The following TENM2 variants were observed in gnomAD, a reference collection of about 807,000 sequenced individuals.
TENM2 encodes the protein teneurin transmembrane protein 2, also known as teneurin-2.
A neutral mutation model predicts 245.2 loss-of-function variants in TENM2; 52 were observed. The ratio of observed to expected loss-of-function variants is 0.21; its 90% CI spans 0.17 to 0.27. The LOEUF is 0.27. Among genes scored for constraint, TENM2 ranks in the 10% least tolerant of loss-of-function variants. The probability of loss-of-function intolerance (pLI) is 1.00; values close to 1 mark genes in which losing one functional copy is unlikely to be tolerated. For synonymous variants in TENM2, 1,363 were observed against 1,438.9 expected, an observed-to-expected ratio of 0.95 and a Z score of 1.19; for missense variants, 3,046 against 3,666.8, an observed-to-expected ratio of 0.83 and a Z score of 4.37.
At chr5:167,962,010 G>A (rs867660332) in intron 4 of TENM2, among the ~76,000 whole-genome samples, 1 of 152,220 alleles carries the variant, frequency 6.6e-6, no homozygotes, top group Non-Finnish European at 1.5e-5. Context: ...GATGCAATCA[G>A]TTGGTTTTCT....
chr5:167,178,449 A>G, the TENM2 span, among the ~76,000 whole-genome samples: 2 of 152,308 alleles, frequency 1.3e-5, no homozygotes, highest in African/African-American at 4.8e-5. Context: ...CTCTTGGTCC[A>G]TAACTGTGCT....
chr5:168,190,838 A>G (rs1193336327), intron 14 of TENM2: 8 of 261,778 alleles, frequency 3.1e-5, no homozygotes, highest in African/African-American at 1.8e-4. Context: ...TTATTTTATG[A>G]TGTTATTGTC....
intron 2 of TENM2, among the ~76,000 whole-genome samples, chr5:167,467,092 C>T (rs917680774): frequency 6.6e-6 from 1 of 152,062 alleles, no homozygotes; most frequent in Admixed American, 6.6e-5. Flanking sequence ...GTAGTATCCC[C>T]GCTGAAATCT....
intron 2 of TENM2, among the ~76,000 whole-genome samples, chr5:167,727,527 G>A (rs1191039085): frequency 6.6e-6 from 1 of 152,220 alleles, no homozygotes; most frequent in Admixed American, 6.5e-5. Context: ...TTCAGCTGAG[G>A]TAGAGAAATG....
At position 167,997,152 on chromosome 5, in the gene TENM2, C is replaced by T. The variant is rs2546954; in HGVS notation, c.1186+3970C>T. ...TACAATCATTTGACAAGCACTGACA[C>T]CGAGGCCCAGAGAGTCTAAAGTCTC... On this transcript the variant is annotated intron_variant, in intron 5 of 28. Transcript: ENST00000518659. Among the ~76,000 whole-genome samples the T allele has an allele frequency of 5.1e-3, 782 of 152,294 alleles. 6 individuals carry two copies. Among genetic ancestry groups the T allele is most frequent in the African/African-American group, 0.018 (737 of 41,558 alleles).
intron 3 of TENM2, among the ~76,000 whole-genome samples, chr5:167,936,099 T>C (rs888403461): frequency 4.6e-5 from 7 of 152,224 alleles, no homozygotes; most frequent in Non-Finnish European, 8.8e-5. Context: ...GCAATTTCCA[T>C]TGATGAAAAA....
intron 27 of TENM2, among the ~76,000 whole-genome samples, chr5:168,253,720 TG>T (rs1329649887): frequency 2.6e-5 from 4 of 151,998 alleles, no homozygotes; most frequent in Admixed American, 2.6e-4. Flanking sequence ...CCACCGCGCC[TG>T]GCTACGCACT....
intron 2 of TENM2, among the ~76,000 whole-genome samples, chr5:167,866,237 G>A (rs60431833): frequency 0.022 from 3,381 of 152,270 alleles, 116 homozygotes; most frequent in African/African-American, 0.076. Flanking sequence ...GGTGGCTCAC[G>A]CCTGTAATCC....
chr5:167,849,660 A>G (rs912498639), intron 2 of TENM2, among the ~76,000 whole-genome samples: 4 of 152,148 alleles, frequency 2.6e-5, no homozygotes, highest in African/African-American at 9.7e-5. Context: ...CTTCTAAATG[A>G]CCTGGTATAA....
At chr5:168,165,637 TCCCCCCCC>T (rs1299273232) in intron 13 of TENM2, among the ~76,000 whole-genome samples, 4 of 22,568 alleles carry the variant, frequency 1.8e-4, no homozygotes, top group Non-Finnish European at 5.9e-4. Context: ...CAATTCAGGA[TCCCCCCCC>T]CAACCCCCCC....
At chr5:167,327,518 AC>A (rs1274254466) in intron 1 of TENM2, among the ~76,000 whole-genome samples, 3 of 152,186 alleles carry the variant, frequency 2.0e-5, no homozygotes, top group African/African-American at 7.2e-5. Context: ...GCGCATAGAC[AC>A]CCAGTAAATA....
At chr5:167,208,496 CG>C in the TENM2 span, among the ~76,000 whole-genome samples, 1 of 152,112 alleles carries the variant, frequency 6.6e-6, no homozygotes, top group Non-Finnish European at 1.5e-5. Flanking sequence ...TACAACAAAA[CG>C]AACACTAGAA....
chr5:167,334,005 G>A (rs1255714779), intron 1 of TENM2, among the ~76,000 whole-genome samples: 1 of 152,042 alleles, frequency 6.6e-6, no homozygotes, highest in Non-Finnish European at 1.5e-5. Flanking sequence ...TAAATATATA[G>A]CATGTAAATA....
the TENM2 span, among the ~76,000 whole-genome samples, chr5:167,024,203 T>A: frequency 6.6e-6 from 1 of 152,202 alleles, no homozygotes; most frequent in African/African-American, 2.4e-5. Flanking sequence ...TCTTTTGGGT[T>A]TAGTCTTCAG....
At chr5:167,198,294 C>G in the TENM2 span, among the ~76,000 whole-genome samples, 142 of 152,236 alleles carry the variant, frequency 9.3e-4, no homozygotes, top group African/African-American at 3.3e-3. Flanking sequence ...AAATATCCTG[C>G]TTTCTGAAAG....
At chr5:167,872,548 G>GAAAGAGAAAGAAAGAAAGAA (rs1313191288) in intron 2 of TENM2, among the ~76,000 whole-genome samples, 9 of 65,418 alleles carry the variant, frequency 1.4e-4, no homozygotes, top group Non-Finnish European at 2.4e-4. Flanking sequence ...AAGAAAGAAA[G>GAAAGAGAAAGAAAGAAAGAA]AGAAAGAAAG....
chr5:167,419,857 G>T (rs553351271), intron 2 of TENM2, among the ~76,000 whole-genome samples: 3 of 152,306 alleles, frequency 2.0e-5, no homozygotes, highest in Admixed American at 6.5e-5. Flanking sequence ...AAGGCAAATT[G>T]TAAGTAACAA....
chr5:167,565,945 T>C (rs545542131), intron 2 of TENM2, among the ~76,000 whole-genome samples: 1 of 150,538 alleles, frequency 6.6e-6, no homozygotes, highest in African/African-American at 2.5e-5. Flanking sequence ...GTTTGTTTGT[T>C]TGTTGTTGTT....
chr5:167,776,624 A>AAAC (rs1554115831), intron 2 of TENM2, among the ~76,000 whole-genome samples: 4 of 61,256 alleles, frequency 6.5e-5, no homozygotes, highest in African/African-American at 7.3e-5. Flanking sequence ...AAAAAAAAAA[A>AAAC]AACCATATAT....
Sources: allele counts gnomAD v4.1 joint callset (sites outside exome capture counted in the v4.1 genomes callset), GRCh38; gene constraint gnomAD v4.1.1; transcripts MANE v1.5; gene names NCBI Gene and HGNC (gene_info 2026-07-23, HGNC 2026-07-21).